RNF24: variants seen among roughly 807,000 people sequenced by gnomAD.
RNF24 encodes the protein ring finger protein 24.
In RNF24, 14 loss-of-function variants were observed where a neutral mutation model predicts 20.0. The ratio of observed to expected loss-of-function variants is 0.70; its 90% CI spans 0.46 to 1.10. The LOEUF (loss-of-function observed/expected upper bound fraction) is 1.10, where lower values mean the gene tolerates loss of function less well. Ranked by LOEUF, RNF24 falls within the 50% of genes least tolerant of loss-of-function variation. RNF24 has a pLI of 0.00. For synonymous variants in RNF24, 45 were observed against 61.1 expected (o/e 0.74, Z 1.23); for missense variants, 124 against 177.6 (o/e 0.70, Z 1.71).
intron 3 of RNF24, among the ~76,000 whole-genome samples, chr20:3,947,047 T>C (rs1373541864): frequency 1.3e-5 from 2 of 152,048 alleles, no homozygotes; most frequent in Non-Finnish European, 2.9e-5. Context: ...AAAAATTAGC[T>C]GGGCGTTGTG....
chr20:3,948,198 A>G (rs566375053), intron 3 of RNF24, 39 bp downstream of exon 3: 197 of 1,226,392 alleles, frequency 1.6e-4, no homozygotes, highest in South Asian at 2.0e-4. Context: ...TTTTGGGGGG[A>G]AAAAAAAAAT....
chr20:3,975,103 C>T (rs1978753580), intron 1 of RNF24, among the ~76,000 whole-genome samples: 1 of 152,146 alleles, frequency 6.6e-6, no homozygotes, highest in African/African-American at 2.4e-5. Flanking sequence ...AATAGACCCA[C>T]ACAAATAAGC....
intron 2 of RNF24, among the ~76,000 whole-genome samples, chr20:3,948,991 T>C (rs1339431087): frequency 6.6e-6 from 1 of 152,254 alleles, no homozygotes; most frequent in Non-Finnish European, 1.5e-5. Flanking sequence ...GAGGCTATTA[T>C]TAAAGCTGAT....
intron 1 of RNF24, among the ~76,000 whole-genome samples, chr20:3,991,485 C>T (rs1980437686): frequency 1.3e-5 from 2 of 152,110 alleles, no homozygotes; most frequent in South Asian, 2.1e-4. Flanking sequence ...ATCTCCTAAC[C>T]TCATGATCCG....
chr20:3,976,903 CA>C (rs1278504098), intron 1 of RNF24, among the ~76,000 whole-genome samples: 4 of 152,102 alleles, frequency 2.6e-5, no homozygotes, highest in African/African-American at 9.7e-5. Flanking sequence ...TATAGTTTTA[CA>C]AGATGTTATC....
chr20:3,933,845 ACTC>A lies in RNF24; in HGVS notation c.*215_*217del, dbSNP rs2090856687. 1 of 379,620 alleles carries A rather than the reference ACTC, an allele frequency of 2.6e-6. No homozygotes were observed. Among genetic ancestry groups the A allele is most frequent in the Non-Finnish European group, 4.7e-6 (1 of 215,046 alleles). 23.5% of individuals were successfully genotyped at this position (379,620 alleles called of 1,614,324 possible). On this transcript the variant is annotated 3_prime_UTR_variant, in exon 6 of 6. Coordinates refer to ENST00000358395, the MANE Select transcript of RNF24 (RefSeq NM_001134337.3). ...TTGAGGCAAACCCGCAGGCTCATCC[ACTC>A]CTCTTCTCTCGGCAGGGGGTAGTGT...
intron 1 of RNF24, among the ~76,000 whole-genome samples, chr20:4,014,614 G>C (rs1444569911): frequency 6.6e-6 from 1 of 152,116 alleles, no homozygotes; most frequent in East Asian, 1.9e-4. Flanking sequence ...AAAACTGTTT[G>C]AAATAACATC....
At chr20:3,981,177 G>T (rs1002723854) in intron 1 of RNF24, among the ~76,000 whole-genome samples, 9 of 151,862 alleles carry the variant, frequency 5.9e-5, no homozygotes, top group African/African-American at 2.2e-4. Flanking sequence ...AAAAATAAAA[G>T]AAAAGAAATT....
chr20:3,951,633 T>C (rs2091082604), intron 2 of RNF24, among the ~76,000 whole-genome samples: 1 of 152,224 alleles, frequency 6.6e-6, no homozygotes, highest in African/African-American at 2.4e-5. Context: ...TTTATTTCTA[T>C]CAGTCTAGAC....
intron 3 of RNF24, among the ~76,000 whole-genome samples, chr20:3,945,647 G>A (rs1394348102): frequency 6.6e-6 from 1 of 151,680 alleles, no homozygotes; most frequent in Admixed American, 6.6e-5. Flanking sequence ...CCCAGGAGGC[G>A]GAAGTTGCAG....
At chr20:4,014,781 TTAG>T (rs1982757524) in intron 1 of RNF24, among the ~76,000 whole-genome samples, 1 of 128,678 alleles carries the variant, frequency 7.8e-6, no homozygotes. Flanking sequence ...ACACACATCA[TTAG>T]GTCTCCAGAA....
At chr20:3,945,099 TAA>T in intron 4 of RNF24, 76 bp downstream of exon 4, 4 of 1,545,936 alleles carry the variant, frequency 2.6e-6, no homozygotes, top group East Asian at 2.3e-5. Flanking sequence ...CTACTGAGAA[TAA>T]AAGTGTTTAA....
At chr20:3,993,566 C>T (rs1462193768) in intron 1 of RNF24, among the ~76,000 whole-genome samples, 2 of 152,166 alleles carry the variant, frequency 1.3e-5, no homozygotes, top group African/African-American at 4.8e-5. Flanking sequence ...GGATTACAGG[C>T]GTGAGCCACC....
At chr20:3,969,890 C>A (rs528248399) in intron 1 of RNF24, among the ~76,000 whole-genome samples, 2 of 151,914 alleles carry the variant, frequency 1.3e-5, no homozygotes, top group East Asian at 3.9e-4. Context: ...CCTGCCTCAG[C>A]CTCCCGAGTA....
intron 3 of RNF24, 25 bp from the exon 4 acceptor site, chr20:3,945,243 T>C (rs1231774665): frequency 6.4e-7 from 1 of 1,563,812 alleles, no homozygotes; most frequent in South Asian, 1.2e-5. Flanking sequence ...AGTATGTTCT[T>C]ATGCCCATTT....
At chr20:3,976,940 C>CA (rs1234187244) in intron 1 of RNF24, among the ~76,000 whole-genome samples, 1 of 152,032 alleles carries the variant, frequency 6.6e-6, no homozygotes, top group Non-Finnish European at 1.5e-5. Flanking sequence ...GAAAAGAGTA[C>CA]ATAGGATCTT....
intron 2 of RNF24, among the ~76,000 whole-genome samples, chr20:3,955,687 A>G (rs6037701): frequency 6.6e-5 from 10 of 152,280 alleles, no homozygotes; most frequent in African/African-American, 2.4e-4. Flanking sequence ...TTTGATAGGG[A>G]TTGCACTGAA....
chr20:3,930,947 A>G lies in RNF24; in HGVS notation c.*3116T>C, dbSNP rs2146928610. On this transcript the variant is annotated 3_prime_UTR_variant, in exon 6 of 6. Transcript: ENST00000358395. ...CTGTCCTGCCTTCCCTGGCTAGGCA[A>G]GCATAGGCTTCAAGGACCTTATCTG... 1 of 152,322 alleles carries G rather than the reference A, an allele frequency of 6.6e-6. No homozygotes were observed. The highest frequency in any genetic ancestry group is 2.1e-4 in the South Asian group (1 of 4,828). 9.4% of individuals were successfully genotyped at this position (152,322 alleles called of 1,614,324 possible).
intron 1 of RNF24, among the ~76,000 whole-genome samples, chr20:3,994,155 G>GA (rs1450988525): frequency 6.6e-6 from 1 of 152,116 alleles, no homozygotes; most frequent in Admixed American, 6.6e-5. Flanking sequence ...GGCACTTCTC[G>GA]AAACAGTATT....
Sources: gnomAD v4.1 joint callset for allele counts (sites outside exome capture counted in the v4.1 genomes callset) on GRCh38, gnomAD v4.1.1 for gene constraint, MANE v1.5 for transcripts, NCBI Gene and HGNC (gene_info 2026-07-23, HGNC 2026-07-21) for gene names.